Variants in RB1 observed in about 807,000 individuals in gnomAD.
The protein encoded by RB1 is RB transcriptional corepressor 1.
In RB1, 18 loss-of-function variants were observed where a neutral mutation model predicts 135.4. That is an observed-to-expected ratio of 0.13 (90% CI 0.09 to 0.20). The LOEUF (loss-of-function observed/expected upper bound fraction) is 0.20. Among genes scored for constraint, RB1 ranks in the 10% least tolerant of loss-of-function variants. RB1 has a pLI of 1.00. For missense variants in RB1, 868 were observed against 1,110.0 expected (o/e 0.78, Z 3.10); for synonymous variants, 365 against 373.2 (o/e 0.98, Z 0.25).
intron 8 of RB1, 97 bp from the exon 9 acceptor site, chr13:48,364,797 G>C (rs1299119313): frequency 1.5e-6 from 2 of 1,360,210 alleles, no homozygotes; most frequent in African/African-American, 1.5e-5. Context: ...CTGCATGGGG[G>C]ATTGACACCT....
In RB1 at chr13:48,343,533, A is replaced by G. The variant is rs1473458701; in HGVS notation, c.380+819A>G. On this transcript the variant is annotated intron_variant, in intron 3 of 26. Transcript: ENST00000267163. ...AAATATACAAAATAATAGAAATGAC[A>G]TAAATAGTTCATAGAGTCAATACCT... Among the ~76,000 whole-genome samples the G allele has an allele frequency of 2.0e-5, 3 of 152,348 alleles. No homozygotes were observed. In the East Asian group the frequency reaches 5.8e-4, roughly 29 times the overall value.
chr13:48,318,161 T>C (rs1031734987), intron 2 of RB1: 3 of 531,160 alleles, frequency 5.6e-6, no homozygotes, highest in Admixed American at 3.5e-5. Flanking sequence ...TCGTCTTCTC[T>C]GCCATACTGC....
chr13:48,316,025 TTTTCCATATAA>T (rs1952178609), intron 2 of RB1, among the ~76,000 whole-genome samples: 2 of 152,300 alleles, frequency 1.3e-5, no homozygotes, highest in Non-Finnish European at 2.9e-5. Context: ...TTTTACTTTA[TTTTCCATATAA>T]AAAGGGGTTT....
At chr13:48,438,324 CA>C in intron 17 of RB1, among the ~76,000 whole-genome samples, 1 of 152,148 alleles carries the variant, frequency 6.6e-6, no homozygotes, top group East Asian at 1.9e-4. Flanking sequence ...GAAGTTTCCC[CA>C]GGGCCATATT....
intron 17 of RB1, among the ~76,000 whole-genome samples, chr13:48,384,817 C>T (rs1030952993): frequency 6.6e-6 from 1 of 152,142 alleles, no homozygotes; most frequent in Non-Finnish European, 1.5e-5. Flanking sequence ...AAAAAGCCCA[C>T]TTCTGTTTCT....
intron 17 of RB1, among the ~76,000 whole-genome samples, chr13:48,432,914 A>G (rs1949145085): frequency 6.6e-6 from 1 of 152,190 alleles, no homozygotes; most frequent in Non-Finnish European, 1.5e-5. Context: ...ATGATTTTCC[A>G]GATTTAATTT....
chr13:48,399,428 A>G (rs1197986311), intron 17 of RB1, among the ~76,000 whole-genome samples: 1 of 152,080 alleles, frequency 6.6e-6, no homozygotes, highest in Non-Finnish European at 1.5e-5. Flanking sequence ...CAGAAAGAAT[A>G]CAAACAAAAA....
At chr13:48,447,825 G>A (rs1269626610) in intron 17 of RB1, among the ~76,000 whole-genome samples, 1 of 152,112 alleles carries the variant, frequency 6.6e-6, no homozygotes, top group Non-Finnish European at 1.5e-5. Context: ...GTGATGGAGT[G>A]ATAAAAGTGA....
chr13:48,365,676 G>A (rs960555334), intron 9 of RB1, among the ~76,000 whole-genome samples: 3 of 152,152 alleles, frequency 2.0e-5, no homozygotes, highest in Non-Finnish European at 4.4e-5. Flanking sequence ...TAGCTAGACT[G>A]CTAGTTCTGT....
chr13:48,346,370 A>ATGTG (rs61503219), intron 4 of RB1, among the ~76,000 whole-genome samples: 369 of 131,120 alleles, frequency 2.8e-3, no homozygotes, highest in Middle Eastern at 7.6e-3. Context: ...TATTATATAT[A>ATGTG]TGTGTGTGTG....
At chr13:48,411,459 G>C (rs1022766939) in intron 17 of RB1, 2 of 1,613,150 alleles carry the variant, frequency 1.2e-6, no homozygotes, top group Non-Finnish European at 1.7e-6. Context: ...AAAATTCTCT[G>C]CACCATGAAC....
chr13:48,409,251 G>T (rs1463682303), intron 17 of RB1, among the ~76,000 whole-genome samples: 1 of 150,832 alleles, frequency 6.6e-6, no homozygotes, highest in African/African-American at 2.4e-5. Context: ...TGGGCTGAAG[G>T]CATTAAAGAT....
chr13:48,434,171 G>A (rs1949159348), intron 17 of RB1, among the ~76,000 whole-genome samples: 2 of 151,930 alleles, frequency 1.3e-5, no homozygotes, highest in South Asian at 4.2e-4. Context: ...AATGAGCCAG[G>A]CCTGGTGGCT....
intron 17 of RB1, among the ~76,000 whole-genome samples, chr13:48,409,533 A>G (rs1054460617): frequency 2.7e-5 from 4 of 150,264 alleles, no homozygotes; most frequent in Non-Finnish European, 5.9e-5. Context: ...CTTAAATAGA[A>G]GGCATTCTTT....
chr13:48,358,556 A>G (rs189359249), intron 6 of RB1, among the ~76,000 whole-genome samples: 1 of 152,314 alleles, frequency 6.6e-6, no homozygotes, highest in Non-Finnish European at 1.5e-5. Flanking sequence ...ACTTTATAAC[A>G]GAACACTTCT....
At chr13:48,448,454 T>C (rs1271383211) in intron 17 of RB1, among the ~76,000 whole-genome samples, 1 of 152,188 alleles carries the variant, frequency 6.6e-6, no homozygotes, top group Non-Finnish European at 1.5e-5. Context: ...CCTTTAAGAA[T>C]TATTTCTGTA....
At chr13:48,435,148 G>A (rs999775144) in intron 17 of RB1, among the ~76,000 whole-genome samples, 2 of 152,148 alleles carry the variant, frequency 1.3e-5, no homozygotes, top group Non-Finnish European at 2.9e-5. Context: ...GTATTTTCCA[G>A]AGTGGTTGAA....
At chr13:48,367,118 C>CA (rs34822911) in intron 9 of RB1, among the ~76,000 whole-genome samples, 78,737 of 102,272 alleles carry the variant, frequency 0.77, 30,923 homozygotes, top group East Asian at 0.9. Flanking sequence ...AACTCCATCT[C>CA]AAAAAAAAAA....
chr13:48,402,379 C>CTTTTTT (rs545934425), intron 17 of RB1, among the ~76,000 whole-genome samples: 6 of 125,700 alleles, frequency 4.8e-5, no homozygotes, highest in Admixed American at 8.6e-5. Flanking sequence ...TGTAGAAAAC[C>CTTTTTT]TTTTTTTTTT....
Sources: allele counts gnomAD v4.1 joint callset (sites outside exome capture counted in the v4.1 genomes callset), GRCh38; gene constraint gnomAD v4.1.1; transcripts MANE v1.5; gene names NCBI Gene and HGNC (gene_info 2026-07-23, HGNC 2026-07-21).